The following KDM5A variants were observed in gnomAD, a reference collection of about 807,000 sequenced individuals.
KDM5A encodes lysine-specific demethylase 5A.
KDM5A carries 42 observed loss-of-function variants against 193.5 expected under a neutral mutation model. The ratio of observed to expected loss-of-function variants is 0.22; its 90% CI spans 0.17 to 0.28. The LOEUF is 0.28. Among genes scored for constraint, KDM5A ranks in the 10% least tolerant of loss-of-function variants. KDM5A has a pLI of 1.00. For missense variants in KDM5A, 1,692 were observed against 2,055.1 expected, an observed-to-expected ratio of 0.82 and a Z score of 3.42; for synonymous variants, 796 against 718.1, an observed-to-expected ratio of 1.11 and a Z score of -1.73.
intron 26 of KDM5A, among the ~76,000 whole-genome samples, chr12:293,604 C>A (rs766432920): frequency 6.6e-6 from 1 of 151,974 alleles, no homozygotes; most frequent in Admixed American, 6.6e-5. Flanking sequence ...CATGACGAAA[C>A]CCCGACTCTA....
In KDM5A at chr12:371,508, C is replaced by T. The variant is rs574302404; in HGVS notation, c.367-5404G>A. Among the ~76,000 whole-genome samples the T allele has an allele frequency of 2.0e-5, 3 of 152,164 alleles. No homozygotes were observed. In the South Asian group the frequency reaches 6.2e-4, roughly 32 times the overall value. ...TCTTTGTAGATTCTGGATATTAGCC[C>T]TTTGTCAGATGAGTAGACTGCAAAA... On this transcript the variant is annotated intron_variant, in intron 3 of 27. Transcript: ENST00000399788.
At chr12:311,483 G>C (rs1943585964) in intron 20 of KDM5A, among the ~76,000 whole-genome samples, 1 of 150,586 alleles carries the variant, frequency 6.6e-6, no homozygotes, top group African/African-American at 2.4e-5. Context: ...ACCTGGTAGA[G>C]AGACAGCCCT....
chr12:294,995 C>A lies in KDM5A; in HGVS notation c.4455+578G>T, dbSNP rs892890126. Among the ~76,000 whole-genome samples the A allele has an allele frequency of 6.6e-5, 10 of 152,278 alleles. No individual in the cohort carries two copies. In the East Asian group the frequency reaches 1.7e-3, roughly 26 times the overall value. ...ATGAATGTGGACCTTCTCTCCCCCC[C>A]AGGCTTCTACTACTTAACCATCCCT... On this transcript the variant is annotated intron_variant, in intron 26 of 27. Coordinates refer to ENST00000399788, the MANE Select transcript of KDM5A (RefSeq NM_001042603.3).
At chr12:292,629 T>C in intron 27 of KDM5A, 130 bp downstream of exon 27, 1 of 1,132,164 alleles carries the variant, frequency 8.8e-7, no homozygotes, top group Non-Finnish European at 1.3e-6. Flanking sequence ...ATAGAAATTG[T>C]ACAAAAGACA....
intron 3 of KDM5A, among the ~76,000 whole-genome samples, chr12:376,496 G>A (rs1421024312): frequency 6.6e-6 from 1 of 152,218 alleles, no homozygotes; most frequent in African/African-American, 2.4e-5. Flanking sequence ...CCCTTGGCTA[G>A]GAACGGGAAT....
intron 3 of KDM5A, among the ~76,000 whole-genome samples, chr12:380,235 C>T (rs950879061): frequency 6.7e-6 from 1 of 149,496 alleles, no homozygotes; most frequent in Non-Finnish European, 1.5e-5. Context: ...CGCCTCTAGC[C>T]TGGGTGATGG....
At chr12:330,061 G>A (rs558677145) in intron 13 of KDM5A, among the ~76,000 whole-genome samples, 2,415 of 118,836 alleles carry the variant, frequency 0.02, 105 homozygotes, top group South Asian at 0.17. Flanking sequence ...AAAAGTGTGT[G>A]TGTGTGTGTG....
chr12:328,955 T>C lies in KDM5A; in HGVS notation c.1848A>G (p.Leu616=), dbSNP rs755422866. The C allele has an allele frequency of 3.1e-6, 5 of 1,614,248 alleles. No individual in the cohort carries two copies. The highest frequency in any genetic ancestry group is 4.2e-6 in the Non-Finnish European group (5 of 1,180,040). ...CTGGATCTGCTGCCATCTTGAAAAT[T>C]AGTTCCTCGTGTGAAAAGACACAGT... The part of the protein sequence containing the change: ...RRHCVFSHEE[L]IFKMAADPEC... The change falls in exon 14 of 28, where the codon CTA becomes CTG. Residue 616 remains leucine (L), a synonymous_variant. Coordinates refer to ENST00000399788, the MANE Select transcript of KDM5A (RefSeq NM_001042603.3).
chr12:313,633 C>A (rs146555056), intron 19 of KDM5A, among the ~76,000 whole-genome samples: 7 of 152,206 alleles, frequency 4.6e-5, no homozygotes, highest in African/African-American at 1.4e-4. Context: ...GACTAGAAAT[C>A]CATTAATGTT....
chr12:346,487 T>C (rs1944077580), intron 10 of KDM5A, among the ~76,000 whole-genome samples: 1 of 152,208 alleles, frequency 6.6e-6, no homozygotes, highest in South Asian at 2.1e-4. Context: ...CCAATATCCC[T>C]GATGAACATC....
chr12:303,202 C>G (rs190638820), intron 24 of KDM5A, among the ~76,000 whole-genome samples: 1 of 152,150 alleles, frequency 6.6e-6, no homozygotes. Context: ...CTACTATAGA[C>G]ACATGCACAC....
intron 24 of KDM5A, among the ~76,000 whole-genome samples, chr12:297,818 T>TA (rs1351499221): frequency 6.6e-6 from 1 of 152,158 alleles, no homozygotes; most frequent in Non-Finnish European, 1.5e-5. Flanking sequence ...CTGCAGAAAT[T>TA]AACTCCCTTC....
intron 26 of KDM5A, 66 bp from the exon 27 acceptor site, chr12:293,235 A>T (rs181031981): frequency 7.4e-7 from 1 of 1,351,550 alleles, no homozygotes; most frequent in Non-Finnish European, 1.0e-6. Flanking sequence ...TTACTCTCTT[A>T]TATGAGGTAC....
chr12:355,326 T>A, intron 6 of KDM5A, 77 bp from the exon 7 acceptor site: 1 of 816,678 alleles, frequency 1.2e-6, no homozygotes, highest in Non-Finnish European at 2.2e-6. Flanking sequence ...TATTTAAAAT[T>A]ATTTAAATTA....
At chr12:359,980 A>G (rs1379643460) in intron 5 of KDM5A, among the ~76,000 whole-genome samples, 1 of 151,796 alleles carries the variant, frequency 6.6e-6, no homozygotes, top group Non-Finnish European at 1.5e-5. Context: ...GATGAAAAGA[A>G]AAGGATAGAT....
In KDM5A at chr12:281,243, A is replaced by G. The variant is rs1943151514; in HGVS notation, c.*4213T>C. Reference sequence around the variant, plus strand: ...ATAAGGCACCACCAATTACCCTGATAAATTGTAAATAAATATGTAAGGGAA... The same window carrying G: ...ATAAGGCACCACCAATTACCCTGATGAATTGTAAATAAATATGTAAGGGAA... On this transcript the variant is annotated 3_prime_UTR_variant, in exon 28 of 28. Coordinates refer to ENST00000399788, the MANE Select transcript of KDM5A (RefSeq NM_001042603.3). The G allele has an allele frequency of 4.3e-6, 1 of 233,062 alleles. No individual in the cohort carries two copies. Among genetic ancestry groups the G allele is most frequent in the East Asian group, 6.0e-5 (1 of 16,574 alleles). 14.4% of individuals were successfully genotyped at this position (233,062 alleles called of 1,614,324 possible).
At chr12:331,043 G>A (rs1029114192) in intron 13 of KDM5A, among the ~76,000 whole-genome samples, 3 of 151,722 alleles carry the variant, frequency 2.0e-5, no homozygotes, top group African/African-American at 4.8e-5. Context: ...TAAAAGTATA[G>A]CGCAGAGATC....
intron 8 of KDM5A, among the ~76,000 whole-genome samples, chr12:352,918 T>C (rs1944181571): frequency 6.6e-6 from 1 of 152,208 alleles, no homozygotes; most frequent in Admixed American, 6.5e-5. Context: ...AGCTAACTCC[T>C]TCTCTTTAAT....
At chr12:339,875 AT>A (rs202004318) in intron 10 of KDM5A, among the ~76,000 whole-genome samples, 23,195 of 140,644 alleles carry the variant, frequency 0.16, 1,895 homozygotes, top group Non-Finnish European at 0.21. Context: ...AAGAAGTCTG[AT>A]TTTTTTTTTT....
Sources: gnomAD v4.1 joint callset for allele counts (sites outside exome capture counted in the v4.1 genomes callset) on GRCh38, gnomAD v4.1.1 for gene constraint, MANE v1.5 for transcripts, NCBI Gene and HGNC (gene_info 2026-07-23, HGNC 2026-07-21) for gene names.